Variants in DNAH1 observed in about 807,000 individuals in gnomAD.
DNAH1 encodes the protein dynein axonemal heavy chain 1.
In DNAH1, 327 loss-of-function variants were observed where a neutral mutation model predicts 484.3. That is an observed-to-expected ratio of 0.68 (90% CI 0.62 to 0.74). The LOEUF is 0.74. Among genes scored for constraint, DNAH1 ranks in the 30% least tolerant of loss-of-function variants. The probability of loss-of-function intolerance (pLI) is 0.00; values close to 1 mark genes in which losing one functional copy is unlikely to be tolerated. For missense variants in DNAH1, 5,052 were observed against 5,546.8 expected (o/e 0.91, Z 2.83); for synonymous variants, 2,192 against 2,191.9 (o/e 1.00, Z 0.00).
At chr3:52,372,717 TC>T (rs1299373463) in intron 43 of DNAH1, among the ~76,000 whole-genome samples, 178 bp from the exon 44 acceptor site, 2 of 152,232 alleles carry the variant, frequency 1.3e-5, no homozygotes, top group East Asian at 3.8e-4. Context: ...GGTCAGCCTG[TC>T]CCAGCTGTCC....
chr3:52,335,392 A>C (rs1701705942), intron 8 of DNAH1, among the ~76,000 whole-genome samples: 1 of 140,736 alleles, frequency 7.1e-6, no homozygotes, highest in Admixed American at 7.1e-5. Flanking sequence ...TAAACAAAAA[A>C]AGCAATGTGT....
chr3:52,389,318 C>T (rs889575604), intron 59 of DNAH1, 143 bp from the exon 60 acceptor site: 1 of 1,266,462 alleles, frequency 7.9e-7, no homozygotes, highest in Admixed American at 2.1e-5. Context: ...AAGAAAGTCA[C>T]CCGAAGTGGG....
chr3:52,352,738 G>C (rs749778075), intron 18 of DNAH1, 31 bp downstream of exon 18: 1 of 1,597,322 alleles, frequency 6.3e-7, no homozygotes. Flanking sequence ...CTGCCCCCAT[G>C]CCCCCAGGCT....
In DNAH1 at chr3:52,349,523, G is replaced by A. The variant is rs191909065; in HGVS notation, c.2526+103G>A. On this transcript the variant is annotated intron_variant, in intron 14 of 77. Coordinates refer to ENST00000420323, the MANE Select transcript of DNAH1 (RefSeq NM_015512.5). Reference sequence around the variant, plus strand: ...GCAAGATGTCCCCAAGCAGGGTCTGGGGTGTCTGTGGATGCCCAGGCCAAG... The same window carrying A: ...GCAAGATGTCCCCAAGCAGGGTCTGAGGTGTCTGTGGATGCCCAGGCCAAG... 2.5e-5 allele frequency: 28 copies of A among 1,130,156 alleles called. No homozygotes were observed. The Admixed American group carries it at 5.6e-4, about 23-fold the overall frequency. 70.0% of individuals were successfully genotyped at this position (1,130,156 alleles called of 1,614,324 possible).
At chr3:52,311,209 AGTTT>A in the DNAH1 span, among the ~76,000 whole-genome samples, 1 of 152,246 alleles carries the variant, frequency 6.6e-6, no homozygotes, top group African/African-American at 2.4e-5. Context: ...TGTGAGGCTC[AGTTT>A]GTTTGGTTTG....
chr3:52,362,865 G>A lies in DNAH1; in HGVS notation c.5095-130G>A. 2.3e-6 allele frequency: 3 copies of A among 1,315,282 alleles called. No individual in the cohort carries two copies. The highest frequency in any genetic ancestry group is 3.2e-6 in the Non-Finnish European group (3 of 938,432). 81.5% of individuals were successfully genotyped at this position (1,315,282 alleles called of 1,614,324 possible). A position where few individuals can be genotyped will look rare whatever the true frequency, so the allele number is the denominator to read the frequency against. On this transcript the variant is annotated intron_variant, in intron 31 of 77. Coordinates refer to ENST00000420323, the MANE Select transcript of DNAH1 (RefSeq NM_015512.5). The surrounding 1 kb of genome is among the most constrained non-coding windows in gnomAD (Gnocchi z 5.1). ...GCAGAGCTACCAGTCTCAGGGGAGT[G>A]AAAGCCTCAGCTGTGGCAGGCTTGG...
In DNAH1 at chr3:52,353,688, G is replaced by T; in HGVS notation, c.3480+55G>T. On this transcript the variant is annotated intron_variant, in intron 20 of 77. Coordinates refer to ENST00000420323, the MANE Select transcript of DNAH1 (RefSeq NM_015512.5). The surrounding 1 kb of genome is among the most constrained non-coding windows in gnomAD (Gnocchi z 5.0). ...CCAGCCAGGCCCTGCCGGACAGCCT[G>T]ACCTCCTGCTCTGGCAACCACAGCC... 1.3e-6 allele frequency: 2 copies of T among 1,548,122 alleles called. No individual in the cohort carries two copies. Among genetic ancestry groups the T allele is most frequent in the South Asian group, 1.2e-5 (1 of 83,760 alleles).
At position 52,371,961 on chromosome 3, in the gene DNAH1, T is replaced by G; in HGVS notation, c.6541T>G (p.Trp2181Gly). Reference sequence around the variant, plus strand: ...ATGATTCCAGGTTGCCTGGGTGAAGTGGATGGACTCCTCAGCTCCATTCAC... The same window carrying G: ...ATGATTCCAGGTTGCCTGGGTGAAGGGGATGGACTCCTCAGCTCCATTCAC... ...EEYKQVAWVK[W>G]MDSSAPFTMV... The change falls in exon 42 of 78, where the codon TGG becomes GGG. Residue 2181 changes from tryptophan (W) to glycine (G), a missense_variant. Coordinates refer to ENST00000420323, the MANE Select transcript of DNAH1 (RefSeq NM_015512.5). The G allele has an allele frequency of 6.2e-7, 1 of 1,613,592 alleles. No homozygotes were observed. Among genetic ancestry groups the G allele is most frequent in the Non-Finnish European group, 8.5e-7 (1 of 1,179,792 alleles).
Position 52,392,844 on chromosome 3 carries a change from T to C in DNAH1, c.10293T>C (p.Ile3431=). ...TACACCCACAGGCCAAAGTCAGGAT[T>C]GCAGAGCAGACGGAGAAGGACATCG... The part of the protein sequence containing the change: ...KAAEIQAKVR[I]AEQTEKDIDL... The change falls in exon 65 of 78, where the codon ATT becomes ATC. Residue 3431 remains isoleucine (I), a synonymous_variant. Transcript: ENST00000420323. 1 of 1,357,336 alleles carries C rather than the reference T, an allele frequency of 7.4e-7. No individual in the cohort carries two copies. The allele number at this position is 1,357,336 out of a possible 1,614,324, so 84.1% of individuals were successfully genotyped here.
In DNAH1 at chr3:52,350,357, C is replaced by T; in HGVS notation, c.2647-151C>T. 3.3e-6 allele frequency: 3 copies of T among 905,920 alleles called. No homozygotes were observed. In the South Asian group the frequency reaches 4.7e-5, roughly 14 times the overall value. 56.1% of individuals were successfully genotyped at this position (905,920 alleles called of 1,614,324 possible). Reference sequence around the variant, plus strand: ...CTAGGAGCCCTGAGCCTGATGCTGCCCTTGCACCCTGGGCCTCCTCCCCTG... The same window carrying T: ...CTAGGAGCCCTGAGCCTGATGCTGCTCTTGCACCCTGGGCCTCCTCCCCTG... On this transcript the variant is annotated intron_variant, in intron 15 of 77. Coordinates refer to ENST00000420323, the MANE Select transcript of DNAH1 (RefSeq NM_015512.5).
At chr3:52,372,478 T>C (rs752040081) in intron 43 of DNAH1, 91 bp downstream of exon 43, 34 of 1,536,292 alleles carry the variant, frequency 2.2e-5, no homozygotes, top group Non-Finnish European at 2.8e-5. Context: ...ATTATGCTCC[T>C]GGGTTTGCCA....
In DNAH1 at chr3:52,384,893, G is replaced by A. The variant is rs1356294907; in HGVS notation, c.8430G>A (p.Leu2810=). The change falls in exon 53 of 78, where the codon CTG becomes CTA. Residue 2810 remains leucine (L), a synonymous_variant. Coordinates refer to ENST00000420323, the MANE Select transcript of DNAH1 (RefSeq NM_015512.5). The stretch of plus-strand genomic sequence containing the variant: ...TGACCCCCAAGAGCTACTTGGAGCT[G>A]CTTCATATTTTCTCCATCCTCATCG... ...NYVTPKSYLE[L]LHIFSILIGQ... 6.2e-7 allele frequency: 1 copy of A among 1,613,644 alleles called. No individual in the cohort carries two copies. The highest frequency in any genetic ancestry group is 8.5e-7 in the Non-Finnish European group (1 of 1,179,718).
At chr3:52,340,408 T>TTTTATTTA (rs55652606) in intron 8 of DNAH1, among the ~76,000 whole-genome samples, 2,304 of 148,258 alleles carry the variant, frequency 0.016, 23 homozygotes, top group East Asian at 0.049. Context: ...TCTGGTAGGA[T>TTTTATTTA]TTTATTTATT....
intron 44 of DNAH1, among the ~76,000 whole-genome samples, chr3:52,373,400 C>T (rs571767435): frequency 2.0e-4 from 31 of 152,160 alleles, no homozygotes; most frequent in African/African-American, 6.7e-4. Flanking sequence ...CCAGCCATGC[C>T]GAATAAAACA....
At position 52,326,992 on chromosome 3, in the gene DNAH1, C is replaced by T. The variant is rs1352060507; in HGVS notation, c.738+101C>T. 2.1e-6 allele frequency: 3 copies of T among 1,399,324 alleles called. No homozygotes were observed. The East Asian group carries it at 7.9e-5, about 37-fold the overall frequency. The allele number at this position is 1,399,324 out of a possible 1,614,324, so 86.7% of individuals were successfully genotyped here. ...TCTGAAAGGGGATTCCCCCACCAGT[C>T]ACCAGCACACTCTTGTCAAACAGGG... On this transcript the variant is annotated intron_variant, in intron 5 of 77. Coordinates refer to ENST00000420323, the MANE Select transcript of DNAH1 (RefSeq NM_015512.5).
rs1704772744 is a variant in DNAH1, at chr3:52,398,968, A to T, written c.12208A>T (p.Thr4070Ser). Reference protein sequence around the residue: ...ELMAASLYNNTVPELWSAKAY... With the variant: ...ELMAASLYNNSVPELWSAKAY... ...GATGGCTGCCAGCCTGTACAACAAT[A>T]CTGTGCCTGAGCTCTGGAGTGCCAA... Residue 4070 changes from threonine to serine, a missense_variant, in exon 76 of 78, where the codon ACT (threonine) becomes TCT (serine). Around this residue, in one of 4 missense-constraint regions of DNAH1, gnomAD observed 853 missense variants for 899.0 expected, o/e 0.95. Transcript: ENST00000420323. The T allele has an allele frequency of 6.2e-7, 1 of 1,613,912 alleles. No homozygotes were observed. The highest frequency in any genetic ancestry group is 8.5e-7 in the Non-Finnish European group (1 of 1,179,838).
At position 52,399,780 on chromosome 3, in the gene DNAH1, G is replaced by A. The variant is rs756418296; in HGVS notation, c.12676+1G>A. 1 of 1,613,454 alleles carries A rather than the reference G, an allele frequency of 6.2e-7. No homozygotes were observed. Among genetic ancestry groups the A allele is most frequent in the Non-Finnish European group, 8.5e-7 (1 of 1,179,622 alleles). On this transcript the variant is annotated splice_donor_variant, in intron 77 of 77. Coordinates refer to ENST00000420323, the MANE Select transcript of DNAH1 (RefSeq NM_015512.5). LOFTEE classifies it high-confidence loss of function. ...ATCTACAAGACACTGACTCGTGCTG[G>A]TATGAGGCCTGGGATGGGAGCCTAC...
chr3:52,370,493 C>G lies in DNAH1; in HGVS notation c.6275C>G (p.Pro2092Arg), dbSNP rs779088247. ...CATCCCCAGGGCCTCAAGAAAATAC[C>G]CTCTGAAAAGCTGAGTCGCATCGTA... ...FLPREGLKKI[P>R]SEKLSRIVEL... The change falls in exon 40 of 78, where the codon CCC becomes CGC. Residue 2092 changes from proline (P) to arginine (R), a missense_variant. By Grantham distance (103) the Pro-to-Arg change is moderately radical. Transcript: ENST00000420323. 3.1e-6 allele frequency: 5 copies of G among 1,613,860 alleles called. No individual in the cohort carries two copies. The highest frequency in any genetic ancestry group is 4.2e-6 in the Non-Finnish European group (5 of 1,179,902).
Position 52,331,318 on chromosome 3 carries a change from TCCTGCCGCTGCCCCAGGCAGAA to T in DNAH1, c.1033+12_1033+33del. 6.3e-7 allele frequency: 1 copy of T among 1,597,882 alleles called. No individual in the cohort carries two copies. The highest frequency in any genetic ancestry group is 8.5e-7 in the Non-Finnish European group (1 of 1,172,916). ...AGGGGTCACCACTGAAGGTATGAGG[TCCTGCCGCTGCCCCAGGCAGAA>T]CCCCAGCTTGGGCCTGGCCGGCCTG... On this transcript the variant is annotated intron_variant, in intron 7 of 77. Transcript: ENST00000420323.
Sources: allele counts gnomAD v4.1 joint callset (sites outside exome capture counted in the v4.1 genomes callset), GRCh38; gene constraint gnomAD v4.1.1; regional missense constraint gnomAD v4.1.1; non-coding constraint Gnocchi (gnomAD v3.1); transcripts MANE v1.5; gene names NCBI Gene and HGNC (gene_info 2026-07-23, HGNC 2026-07-21).